Variants in GPHN observed in about 807,000 individuals in gnomAD.
GPHN encodes gephyrin.
A neutral mutation model predicts 95.5 loss-of-function variants in GPHN; 17 were observed. The ratio of observed to expected loss-of-function variants is 0.18; its 90% CI spans 0.12 to 0.27. The LOEUF (loss-of-function observed/expected upper bound fraction) is 0.27. GPHN is among the 10% of genes least tolerant of loss of function. The pLI is 1.00. For missense variants in GPHN, 660 were observed against 978.1 expected, an observed-to-expected ratio of 0.67 and a Z score of 4.34; for synonymous variants, 320 against 322.5, an observed-to-expected ratio of 0.99 and a Z score of 0.08.
At chr14:66,530,346 G>A (rs2058866506) in intron 1 of GPHN, among the ~76,000 whole-genome samples, 1 of 152,138 alleles carries the variant, frequency 6.6e-6, no homozygotes, top group Admixed American at 6.5e-5. Context: ...GTGCTGGCAG[G>A]GAGAATTTCA....
At chr14:67,234,611 G>T in the GPHN span, among the ~76,000 whole-genome samples, 1 of 152,074 alleles carries the variant, frequency 6.6e-6, no homozygotes, top group Non-Finnish European at 1.5e-5. Flanking sequence ...GTGCCGTGGT[G>T]CGATCTTGGC....
chr14:67,637,746 T>G, the GPHN span, among the ~76,000 whole-genome samples: 1 of 152,368 alleles, frequency 6.6e-6, no homozygotes, highest in Non-Finnish European at 1.5e-5. Flanking sequence ...AACATAAATT[T>G]GTAATCCTAG....
At chr14:67,586,533 T>G in the GPHN span, 1 of 717,118 alleles carries the variant, frequency 1.4e-6, no homozygotes, top group South Asian at 1.4e-5. Context: ...TGCTCCCTCT[T>G]CCTTGTTGTG....
At chr14:66,649,806 T>C (rs1384122383) in intron 1 of GPHN, among the ~76,000 whole-genome samples, 1 of 152,172 alleles carries the variant, frequency 6.6e-6, no homozygotes, top group Non-Finnish European at 1.5e-5. Context: ...AGCTTTATAG[T>C]GGCAAGTGAG....
At chr14:67,146,786 C>G (rs1183705803) in intron 18 of GPHN, among the ~76,000 whole-genome samples, 1 of 152,212 alleles carries the variant, frequency 6.6e-6, no homozygotes, top group Non-Finnish European at 1.5e-5. Context: ...ATAATCCCAG[C>G]ACTTTGGGAG....
At chr14:67,254,984 A>T in the GPHN span, among the ~76,000 whole-genome samples, 1 of 152,176 alleles carries the variant, frequency 6.6e-6, no homozygotes, top group South Asian at 2.1e-4. Flanking sequence ...CCTCTTCTCT[A>T]CTAAAAATAC....
At chr14:66,681,910 C>T (rs1366432285) in intron 2 of GPHN, among the ~76,000 whole-genome samples, 1 of 152,064 alleles carries the variant, frequency 6.6e-6, no homozygotes, top group Non-Finnish European at 1.5e-5. Flanking sequence ...TGAATACTGC[C>T]AGGTGCCTTC....
At chr14:66,864,364 A>G (rs1163054021) in intron 4 of GPHN, among the ~76,000 whole-genome samples, 1 of 152,206 alleles carries the variant, frequency 6.6e-6, no homozygotes, top group Non-Finnish European at 1.5e-5. Flanking sequence ...CACCATTGGT[A>G]GGAATGTTAA....
the GPHN span, among the ~76,000 whole-genome samples, chr14:67,549,273 A>ATTT: frequency 5.0e-5 from 7 of 139,998 alleles, no homozygotes; most frequent in African/African-American, 1.8e-4. Flanking sequence ...GAGATTTTTA[A>ATTT]TTTTTTTTTT....
intron 4 of GPHN, among the ~76,000 whole-genome samples, chr14:66,844,051 G>C (rs370660143): frequency 6.6e-6 from 1 of 151,816 alleles, no homozygotes; most frequent in Non-Finnish European, 1.5e-5. Context: ...AACTTTAAAA[G>C]CATCATCTCT....
At chr14:67,192,313 A>T in the GPHN span, among the ~76,000 whole-genome samples, 1 of 152,214 alleles carries the variant, frequency 6.6e-6, no homozygotes, top group Non-Finnish European at 1.5e-5. Context: ...TGTTTCCATG[A>T]TAGCCCATAA....
In GPHN at chr14:67,165,166, C is replaced by T; in HGVS notation, c.1915C>T (p.Pro639Ser). 2 of 1,606,708 alleles carry T rather than the reference C, an allele frequency of 1.2e-6. No homozygotes were observed. Among genetic ancestry groups the T allele is most frequent in the Non-Finnish European group, 1.7e-6 (2 of 1,173,404 alleles). The change falls in exon 20 of 23, where the codon CCA (proline) becomes TCA (serine). Residue 639 changes from proline to serine, a missense_variant. Physicochemically the swap from Pro to Ser is moderately conservative, Grantham distance 74. This residue lies in a region of GPHN where 257 missense variants were observed against 376.2 expected (regional missense o/e 0.68). Transcript: ENST00000478722. ...FGRVFMKPGL[P>S]TTFATLDIDG... ...GTGACTCTTTTTTTCTTCTAGCTTGCCAACAACATTTGCAACTTTGGATAT... is the reference window on the plus strand; with the variant it reads ...GTGACTCTTTTTTTCTTCTAGCTTGTCAACAACATTTGCAACTTTGGATAT...
At chr14:67,301,303 T>G in the GPHN span, 11 of 636,390 alleles carry the variant, frequency 1.7e-5, no homozygotes, top group Non-Finnish European at 2.8e-5. Flanking sequence ...TATTTTAATT[T>G]GTACTTAAAA....
intron 4 of GPHN, among the ~76,000 whole-genome samples, chr14:66,840,255 G>A (rs2062020914): frequency 6.6e-6 from 1 of 151,884 alleles, no homozygotes; most frequent in South Asian, 2.1e-4. Context: ...CTCCAGCCTG[G>A]GTAACAGAGC....
chr14:67,049,053 T>C (rs969340594), intron 10 of GPHN, among the ~76,000 whole-genome samples: 1 of 152,212 alleles, frequency 6.6e-6, no homozygotes, highest in Non-Finnish European at 1.5e-5. Context: ...TTTTATGGGC[T>C]ACCGGCTGCT....
the GPHN span, among the ~76,000 whole-genome samples, chr14:67,309,965 C>T: frequency 6.7e-6 from 1 of 149,622 alleles, no homozygotes; most frequent in South Asian, 2.1e-4. Context: ...CAAGTGATGC[C>T]AAAAATTCCA....
chr14:67,166,482 C>A (rs2082284071), intron 20 of GPHN, among the ~76,000 whole-genome samples: 1 of 152,174 alleles, frequency 6.6e-6, no homozygotes, highest in East Asian at 1.9e-4. Flanking sequence ...AAAATTAAAA[C>A]CTGTTTTCAA....
intron 9 of GPHN, among the ~76,000 whole-genome samples, chr14:66,986,502 C>T (rs950927669): frequency 2.6e-5 from 4 of 152,036 alleles, no homozygotes; most frequent in Non-Finnish European, 5.9e-5. Flanking sequence ...ACTCAGTACT[C>T]AAACATTTAA....
the GPHN span, chr14:67,312,183 T>C: frequency 6.2e-6 from 1 of 162,472 alleles, no homozygotes; most frequent in Non-Finnish European, 1.3e-5. Context: ...CTTGTACATA[T>C]CTGCAAGTCA....
Sources: allele counts gnomAD v4.1 joint callset (sites outside exome capture counted in the v4.1 genomes callset), GRCh38; gene constraint gnomAD v4.1.1; regional missense constraint gnomAD v4.1.1; transcripts MANE v1.5; gene names NCBI Gene and HGNC (gene_info 2026-07-23, HGNC 2026-07-21).